The following RBM33 variants were observed in gnomAD, a reference collection of about 807,000 sequenced individuals.
The protein encoded by RBM33 is RNA-binding protein 33.
Under a neutral mutation model 132.6 loss-of-function variants are expected in RBM33, and 28 were observed. That is an observed-to-expected ratio of 0.21 (90% CI 0.16 to 0.29). The LOEUF is 0.29. Among genes scored for constraint, RBM33 ranks in the 10% least tolerant of loss-of-function variants. The pLI, the probability that RBM33 is intolerant of heterozygous loss-of-function variation, is 1.00. For missense variants in RBM33, 1,291 were observed against 1,518.5 expected (o/e 0.85, Z 2.49); for synonymous variants, 634 against 593.0 (o/e 1.07, Z -1.01).
chr7:155,667,867 A>G (rs1798841240), intron 2 of RBM33, among the ~76,000 whole-genome samples: 1 of 152,226 alleles, frequency 6.6e-6, no homozygotes, highest in Non-Finnish European at 1.5e-5. Context: ...AAGTTCAAGC[A>G]TATGTGAAAA....
chr7:155,696,117 T>G (rs1465016472), intron 5 of RBM33, among the ~76,000 whole-genome samples: 1 of 152,208 alleles, frequency 6.6e-6, no homozygotes, highest in Non-Finnish European at 1.5e-5. Flanking sequence ...TTTCTGTTGT[T>G]TTTGTATCCC....
chr7:155,738,601 A>C, intron 11 of RBM33, 198 bp downstream of exon 11: 1 of 593,774 alleles, frequency 1.7e-6, no homozygotes, highest in Non-Finnish European at 2.9e-6. Flanking sequence ...AAAAATGGGA[A>C]AATGTCATTT....
Position 155,745,540 on chromosome 7 carries a change from A to G in RBM33, c.2917A>G (p.Ser973Gly), listed in dbSNP as rs1461633773. Residue 973 changes from serine to glycine, a missense_variant, in exon 14 of 18, where the codon AGT becomes GGT. Physicochemically the swap from Ser to Gly is moderately conservative, Grantham distance 56. Transcript: ENST00000401878. The surrounding 1 kb of genome is among the most constrained non-coding windows in gnomAD (Gnocchi z 4.1). ...AAGGACTGTCACGCACAGGACAAAC[A>G]GTGGTGGTGGAGACGGGCCCCACAT... ...VKRTVTHRTNSGGGDGPHISS... is the reference protein window; with the variant it reads ...VKRTVTHRTNGGGGDGPHISS... 2 of 1,611,640 alleles carry G rather than the reference A, an allele frequency of 1.2e-6. No homozygotes were observed. Among genetic ancestry groups the G allele is most frequent in the Non-Finnish European group, 1.7e-6 (2 of 1,178,960 alleles).
Position 155,680,556 on chromosome 7 carries a change from G to A in RBM33, c.249-34G>A, listed in dbSNP as rs377298418. On this transcript the variant is annotated intron_variant, in intron 4 of 17. Transcript: ENST00000401878. The stretch of plus-strand genomic sequence containing the variant: ...TTTAGTTTGAGCTCCTCTCTTCATT[G>A]GGTGCTTTTTTTTTTTATTTTCGTC... 5 of 1,384,778 alleles carry A rather than the reference G, an allele frequency of 3.6e-6. No homozygotes were observed. In the African/African-American group the frequency reaches 7.3e-5, roughly 20 times the overall value. The allele number at this position is 1,384,778 out of a possible 1,614,324, so 85.8% of individuals were successfully genotyped here.
At chr7:155,684,132 C>T (rs1799408170) in intron 5 of RBM33, among the ~76,000 whole-genome samples, 1 of 152,062 alleles carries the variant, frequency 6.6e-6, no homozygotes, top group Non-Finnish European at 1.5e-5. Flanking sequence ...AATACAGCTG[C>T]TTTATTTGGG....
At chr7:155,717,807 TTGA>T (rs1563158614) in intron 8 of RBM33, among the ~76,000 whole-genome samples, 1 of 152,228 alleles carries the variant, frequency 6.6e-6, no homozygotes. Flanking sequence ...TTCTGGTGGA[TTGA>T]TGGAAATCCT....
At chr7:155,733,426 C>T (rs961062897) in intron 9 of RBM33, among the ~76,000 whole-genome samples, 1 of 88,708 alleles carries the variant, frequency 1.1e-5, no homozygotes, top group Non-Finnish European at 2.3e-5. Context: ...GTTGAGTGAA[C>T]TTACAGAAAA....
chr7:155,756,376 A>G (rs1801851834), intron 14 of RBM33, among the ~76,000 whole-genome samples: 1 of 152,240 alleles, frequency 6.6e-6, no homozygotes. Context: ...ATGTGTGAGT[A>G]TAGGTATAAA....
intron 5 of RBM33, among the ~76,000 whole-genome samples, chr7:155,685,311 C>G (rs575480955): frequency 6.6e-6 from 1 of 152,052 alleles, no homozygotes; most frequent in Non-Finnish European, 1.5e-5. Context: ...AGAAATGTGA[C>G]GTATATGTTA....
At chr7:155,728,892 A>T (rs1372166259) in intron 9 of RBM33, among the ~76,000 whole-genome samples, 2 of 152,212 alleles carry the variant, frequency 1.3e-5, no homozygotes, top group African/African-American at 4.8e-5. Flanking sequence ...GGTTATTTAA[A>T]TGGTCAGAAG....
intron 5 of RBM33, among the ~76,000 whole-genome samples, chr7:155,694,933 G>A (rs1799749804): frequency 6.6e-6 from 1 of 152,158 alleles, no homozygotes; most frequent in East Asian, 1.9e-4. Context: ...TGGAATTGCT[G>A]AGACGGTCTA....
At chr7:155,730,372 G>A (rs1800920301) in intron 9 of RBM33, among the ~76,000 whole-genome samples, 1 of 152,216 alleles carries the variant, frequency 6.6e-6, no homozygotes, top group Admixed American at 6.5e-5. Flanking sequence ...ATGGAAATAT[G>A]TCAGAAGCTA....
Position 155,775,169 on chromosome 7 carries a change from C to T in RBM33, c.*128C>T. The stretch of plus-strand genomic sequence containing the variant: ...GGCCGCTGTCCTGCGTAACTGTTCT[C>T]CAGAGCGCCAGCCAGCCACGGGCCT... On this transcript the variant is annotated 3_prime_UTR_variant, in exon 18 of 18. Coordinates refer to ENST00000401878, the MANE Select transcript of RBM33 (RefSeq NM_053043.3). 1 of 831,584 alleles carries T rather than the reference C, an allele frequency of 1.2e-6. No homozygotes were observed. Among genetic ancestry groups the T allele is most frequent in the Non-Finnish European group, 2.1e-6 (1 of 485,360 alleles). 51.5% of individuals were successfully genotyped at this position (831,584 alleles called of 1,614,324 possible).
intron 6 of RBM33, among the ~76,000 whole-genome samples, chr7:155,703,442 A>T (rs1347999076): frequency 6.6e-6 from 1 of 152,192 alleles, no homozygotes; most frequent in South Asian, 2.1e-4. Context: ...AGAAACAATA[A>T]AAAAGCACTT....
chr7:155,729,177 T>C (rs1026081280), intron 9 of RBM33, among the ~76,000 whole-genome samples: 1 of 152,054 alleles, frequency 6.6e-6, no homozygotes, highest in African/African-American at 2.4e-5. Context: ...AACCATCAGA[T>C]CTTGTGAAAA....
intron 14 of RBM33, among the ~76,000 whole-genome samples, chr7:155,753,899 G>A (rs1397202185): frequency 6.6e-6 from 1 of 152,198 alleles, no homozygotes; most frequent in African/African-American, 2.4e-5. Context: ...GAAAAATAGG[G>A]CATACAGAAT....
At chr7:155,758,353 C>T (rs1363996755) in intron 14 of RBM33, among the ~76,000 whole-genome samples, 3 of 152,140 alleles carry the variant, frequency 2.0e-5, no homozygotes, top group East Asian at 1.9e-4. Context: ...ACAGTTTTTC[C>T]GTGGACTGGG....
chr7:155,688,647 T>A (rs1799545067), intron 5 of RBM33, among the ~76,000 whole-genome samples: 1 of 152,208 alleles, frequency 6.6e-6, no homozygotes, highest in African/African-American at 2.4e-5. Context: ...TTGAGATACG[T>A]CCCATCAATA....
chr7:155,687,593 G>A (rs1799517055), intron 5 of RBM33, among the ~76,000 whole-genome samples: 1 of 152,122 alleles, frequency 6.6e-6, no homozygotes, highest in Admixed American at 6.6e-5. Context: ...TTTCTTCTAG[G>A]GTTTTTATGG....
Sources: gnomAD v4.1 joint callset for allele counts (sites outside exome capture counted in the v4.1 genomes callset) on GRCh38, gnomAD v4.1.1 for gene constraint, Gnocchi (gnomAD v3.1) non-coding constraint, MANE v1.5 for transcripts, NCBI Gene and HGNC (gene_info 2026-07-23, HGNC 2026-07-21) for gene names.